AOPEP: variants seen among roughly 807,000 people sequenced by gnomAD.
AOPEP encodes the protein aminopeptidase O (putative), also known as aminopeptidase O.
In AOPEP, 77 loss-of-function variants were observed where a neutral mutation model predicts 98.1. That is an observed-to-expected ratio of 0.78 (90% confidence interval 0.65 to 0.95). The LOEUF (loss-of-function observed/expected upper bound fraction) is 0.95. Ranked by LOEUF, AOPEP falls within the 40% of genes least tolerant of loss-of-function variation. The probability of loss-of-function intolerance (pLI) is 0.00; values close to 1 mark genes in which losing one functional copy is unlikely to be tolerated. For missense variants in AOPEP, 1,024 were observed against 1,024.7 expected, an observed-to-expected ratio of 1.00 and a Z score of 0.01; for synonymous variants, 346 against 365.3, an observed-to-expected ratio of 0.95 and a Z score of 0.60.
At position 94,738,180 on chromosome 9, in the gene AOPEP, A is replaced by G. The variant is rs372140289; in HGVS notation, c.-136+11429A>G. ...CCAATAGTTTTTTGGTGCAGTTGCT[A>G]CTTGTTAATATGAGTGTCTGAAGGT... On this transcript the variant is annotated intron_variant, in intron 1 of 16. Coordinates refer to ENST00000375315, the MANE Select transcript of AOPEP (RefSeq NM_001193329.3). Among the ~76,000 whole-genome samples the G allele has an allele frequency of 2.6e-5, 4 of 152,316 alleles. No homozygotes were observed. In the East Asian group the frequency reaches 5.8e-4, roughly 22 times the overall value.
At chr9:94,861,344 G>A (rs1027023179) in intron 5 of AOPEP, among the ~76,000 whole-genome samples, 1 of 152,186 alleles carries the variant, frequency 6.6e-6, no homozygotes, top group Non-Finnish European at 1.5e-5. Flanking sequence ...TGATGTGGGG[G>A]CATATGGAGA....
intron 13 of AOPEP, among the ~76,000 whole-genome samples, chr9:95,037,442 G>T (rs1292356660): frequency 6.6e-6 from 1 of 152,150 alleles, no homozygotes; most frequent in African/African-American, 2.4e-5. Context: ...AAGAGAGTGG[G>T]TAGAATTTTA....
At chr9:94,768,432 T>C (rs1022461260) in intron 2 of AOPEP, among the ~76,000 whole-genome samples, 1 of 152,256 alleles carries the variant, frequency 6.6e-6, no homozygotes, top group African/African-American at 2.4e-5. Context: ...TATATGGTTT[T>C]AAGCAATCCC....
the AOPEP span, among the ~76,000 whole-genome samples, chr9:95,120,047 C>T: frequency 2.0e-5 from 3 of 152,126 alleles, no homozygotes; most frequent in East Asian, 5.8e-4. Flanking sequence ...CTAATTTATC[C>T]ATTTTTTCCT....
chr9:95,093,523 C>T, the AOPEP span, among the ~76,000 whole-genome samples: 1 of 152,136 alleles, frequency 6.6e-6, no homozygotes, highest in Non-Finnish European at 1.5e-5. Flanking sequence ...AAGAGTCTTC[C>T]TTTGCATACT....
intron 13 of AOPEP, among the ~76,000 whole-genome samples, chr9:95,029,970 G>A (rs886203979): frequency 6.6e-6 from 1 of 152,194 alleles, no homozygotes; most frequent in Non-Finnish European, 1.5e-5. Context: ...CATTGCAGCC[G>A]TGGTATGATT....
intron 5 of AOPEP, among the ~76,000 whole-genome samples, chr9:94,829,214 G>T (rs561351597): frequency 0.027 from 4,135 of 150,686 alleles, 182 homozygotes; most frequent in African/African-American, 0.095. Context: ...ACACACACAC[G>T]CACACGCACA....
At chr9:94,784,881 T>C (rs909843743) in intron 3 of AOPEP, among the ~76,000 whole-genome samples, 6 of 152,310 alleles carry the variant, frequency 3.9e-5, no homozygotes, top group Non-Finnish European at 8.8e-5. Flanking sequence ...CCTCCCAAAG[T>C]GCTGGGATTA....
At chr9:95,045,065 TTCCTGACACCCTGGAGAG>T (rs1353089216) in intron 13 of AOPEP, among the ~76,000 whole-genome samples, 2 of 152,186 alleles carry the variant, frequency 1.3e-5, no homozygotes, top group African/African-American at 4.8e-5. Context: ...ACGGTGCTGT[TTCCTGACACCCTGGAGAG>T]TTGGGCGTCA....
At chr9:95,039,084 A>G (rs192144601) in intron 13 of AOPEP, among the ~76,000 whole-genome samples, 24 of 152,300 alleles carry the variant, frequency 1.6e-4, no homozygotes, top group East Asian at 9.6e-4. Flanking sequence ...ACAGAAGTCA[A>G]ATGGAACACA....
chr9:94,795,487 G>A (rs923501152), intron 4 of AOPEP, among the ~76,000 whole-genome samples: 1 of 152,170 alleles, frequency 6.6e-6, no homozygotes, highest in Non-Finnish European at 1.5e-5. Flanking sequence ...AATTCTTGAT[G>A]GTGAAGAAGT....
At chr9:95,131,601 C>A in the AOPEP span, among the ~76,000 whole-genome samples, 3 of 152,168 alleles carry the variant, frequency 2.0e-5, no homozygotes, top group Admixed American at 2.0e-4. Context: ...TTTAGCCATA[C>A]ACATCAGCCA....
chr9:94,961,400 G>A (rs896515191), intron 9 of AOPEP, among the ~76,000 whole-genome samples: 6 of 152,108 alleles, frequency 3.9e-5, no homozygotes, highest in Admixed American at 2.6e-4. Context: ...CCCCTTGCAG[G>A]GTTCTGGATT....
chr9:94,950,764 C>A (rs2137827815), intron 7 of AOPEP, among the ~76,000 whole-genome samples: 1 of 152,324 alleles, frequency 6.6e-6, no homozygotes, highest in Non-Finnish European at 1.5e-5. Context: ...TTGTGGCTCT[C>A]ATGCTGACTG....
intron 4 of AOPEP, among the ~76,000 whole-genome samples, chr9:94,799,691 C>T (rs193299254): frequency 7.2e-5 from 11 of 151,836 alleles, no homozygotes; most frequent in African/African-American, 1.5e-4. Context: ...GGTAAAACCC[C>T]GTCTCTACTA....
chr9:94,847,173 C>G lies in AOPEP; in HGVS notation c.1364+46171C>G, dbSNP rs865889955. ...ACACACTCTCTCTGTCTCTCTCTCT[C>G]TCTCTCTGTCTCTGTCTCTCTCTCT... On this transcript the variant is annotated intron_variant, in intron 5 of 16. Transcript: ENST00000375315. Among the ~76,000 whole-genome samples, 1,024 of 149,846 alleles carry G rather than the reference C, an allele frequency of 6.8e-3. 9 individuals carry two copies. The highest frequency in any genetic ancestry group is 0.024 in the African/African-American group (966 of 40,646).
intron 11 of AOPEP, among the ~76,000 whole-genome samples, chr9:94,988,653 A>G (rs2132297738): frequency 6.6e-6 from 1 of 152,326 alleles, no homozygotes; most frequent in Middle Eastern, 3.4e-3. Flanking sequence ...GTAGTGGCCC[A>G]TGTACGTGTG....
At chr9:94,843,084 G>A (rs2042460974) in intron 5 of AOPEP, among the ~76,000 whole-genome samples, 1 of 152,054 alleles carries the variant, frequency 6.6e-6, no homozygotes, top group East Asian at 1.9e-4. Flanking sequence ...ATTTTCTTCT[G>A]TACTACAGCC....
intron 7 of AOPEP, chr9:94,933,462 T>C: frequency 1.0e-6 from 1 of 985,440 alleles, no homozygotes; most frequent in South Asian, 4.7e-5. Context: ...AATGTATCGC[T>C]TTAAGGAGGT....
Sources: allele counts gnomAD v4.1 joint callset (sites outside exome capture counted in the v4.1 genomes callset), GRCh38; gene constraint gnomAD v4.1.1; transcripts MANE v1.5; gene names NCBI Gene and HGNC (gene_info 2026-07-23, HGNC 2026-07-21).